The following ELP4 variants were observed in gnomAD, a reference collection of about 807,000 sequenced individuals.
ELP4 encodes elongator acetyltransferase complex subunit 4.
Under a neutral mutation model 48.9 loss-of-function variants are expected in ELP4, and 51 were observed. That is an observed-to-expected ratio of 1.04 (90% CI 0.83 to 1.32). The LOEUF is 1.32. Among genes scored for constraint, ELP4 ranks in the 40% most tolerant of loss-of-function variants. The probability of loss-of-function intolerance (pLI) is 0.00; values close to 1 mark genes in which losing one functional copy is unlikely to be tolerated. For synonymous variants in ELP4, 210 were observed against 189.2 expected (o/e 1.11, Z -0.90); for missense variants, 519 against 514.6 (o/e 1.01, Z -0.08).
At chr11:31,773,447 G>A (rs989363415) in intron 9 of ELP4, among the ~76,000 whole-genome samples, 1 of 152,138 alleles carries the variant, frequency 6.6e-6, no homozygotes, top group Non-Finnish European at 1.5e-5. Flanking sequence ...AAAGAATTGG[G>A]AGACCACCAC....
chr11:31,710,858 T>C (rs913212321), intron 9 of ELP4, among the ~76,000 whole-genome samples: 3 of 152,164 alleles, frequency 2.0e-5, no homozygotes, highest in Non-Finnish European at 2.9e-5. Flanking sequence ...GTAATAGAGC[T>C]TACAATATAA....
intron 3 of ELP4, among the ~76,000 whole-genome samples, chr11:31,579,378 G>A (rs1193307527): frequency 2.6e-5 from 4 of 152,268 alleles, no homozygotes; most frequent in South Asian, 2.1e-4. Flanking sequence ...ACAGTGTGGC[G>A]ATTCCTCAAG....
At position 31,786,867 on chromosome 11, in the gene ELP4, GGTTTTCCCAAGTCAGTCAA is replaced by G. The variant is rs1290580522; in HGVS notation, c.*3348_*3366del. The G allele has an allele frequency of 6.9e-5, 15 of 218,178 alleles. No homozygotes were observed. Among genetic ancestry groups the G allele is most frequent in the African/African-American group, 2.5e-4 (11 of 44,452 alleles). The allele number at this position is 218,178 out of a possible 1,614,324, so 13.5% of individuals were successfully genotyped here. ...CATTCAGCTCTTATTCTATTCACCT[GGTTTTCCCAAGTCAGTCAA>G]GTTTGGAGAAAAAATTTAGACGTTT... On this transcript the variant is annotated 3_prime_UTR_variant, in exon 10 of 10. Coordinates refer to ENST00000640961, the MANE Select transcript of ELP4 (RefSeq NM_019040.5).
intron 1 of ELP4, chr11:31,510,406 A>G (rs899975010): frequency 1.7e-5 from 7 of 417,636 alleles, no homozygotes; most frequent in Non-Finnish European, 3.0e-5. Flanking sequence ...AAAAGTTTTT[A>G]TAATTGTGAG....
chr11:31,769,594 A>G (rs1229433355), intron 9 of ELP4, among the ~76,000 whole-genome samples: 1 of 152,194 alleles, frequency 6.6e-6, no homozygotes, highest in African/African-American at 2.4e-5. Flanking sequence ...CTTAAATTGG[A>G]TAGTGGATCT....
rs958819078 is a variant in ELP4 at position 31,573,264 on chromosome 11, C to T, written c.382-21506C>T. Among the ~76,000 whole-genome samples the T allele has an allele frequency of 4.6e-5, 7 of 152,254 alleles. No individual in the cohort carries two copies. In the East Asian group the frequency reaches 5.8e-4, roughly 13 times the overall value. On this transcript the variant is annotated intron_variant, in intron 3 of 9. Coordinates refer to ENST00000640961, the MANE Select transcript of ELP4 (RefSeq NM_019040.5). ...CCCCTGGCAACCTCCAGTCTGCATC[C>T]GTATCTTTAGCATATACCTCAAAAC...
chr11:31,741,469 C>T lies in ELP4; in HGVS notation c.1144-41924C>T, dbSNP rs940883070. ...CCTCCTCAAGTGGGTCCCTGACCCC[C>T]GAGTAGCCTAACTGGGAGACACCCC... On this transcript the variant is annotated intron_variant, in intron 9 of 9. Transcript: ENST00000640961. Among the ~76,000 whole-genome samples the T allele has an allele frequency of 5.3e-5, 8 of 152,308 alleles. No individual in the cohort carries two copies. The East Asian group carries it at 1.2e-3, about 22-fold the overall frequency.
At chr11:31,733,806 A>G (rs974731747) in intron 9 of ELP4, among the ~76,000 whole-genome samples, 6 of 152,224 alleles carry the variant, frequency 3.9e-5, no homozygotes, top group African/African-American at 1.4e-4. Context: ...ATTAATGCCA[A>G]TTCTTCTCAA....
chr11:31,646,643 CTG>C (rs1459816821), intron 7 of ELP4: 1 of 151,678 alleles, frequency 6.6e-6, no homozygotes, highest in Non-Finnish European at 1.5e-5. Flanking sequence ...ATTTTCTTGA[CTG>C]TTTTATATTT....
chr11:31,588,837 G>A (rs1237616279), intron 3 of ELP4, among the ~76,000 whole-genome samples: 1 of 152,106 alleles, frequency 6.6e-6, no homozygotes, highest in Non-Finnish European at 1.5e-5. Context: ...GTAAAAATTA[G>A]CTGGGCGTGG....
At chr11:31,774,524 ACT>A (rs1488583324) in intron 9 of ELP4, among the ~76,000 whole-genome samples, 1 of 152,120 alleles carries the variant, frequency 6.6e-6, no homozygotes, top group Non-Finnish European at 1.5e-5. Flanking sequence ...AGATTCTATA[ACT>A]CTAGCATGAG....
intron 9 of ELP4, chr11:31,664,328 T>C (rs1945624916): frequency 6.6e-6 from 1 of 152,064 alleles, no homozygotes; most frequent in African/African-American, 2.4e-5. Flanking sequence ...TTAATGAGGA[T>C]GGATAATACT....
At chr11:31,748,410 A>G (rs573179656) in intron 9 of ELP4, among the ~76,000 whole-genome samples, 2 of 152,042 alleles carry the variant, frequency 1.3e-5, no homozygotes, top group South Asian at 4.2e-4. Flanking sequence ...ATGCCCAGCT[A>G]ATTTTTGTAT....
chr11:31,520,048 A>G lies in ELP4; in HGVS notation c.224-8A>G. 5 of 1,612,232 alleles carry G rather than the reference A, an allele frequency of 3.1e-6. No individual in the cohort carries two copies. The highest frequency in any genetic ancestry group is 4.2e-6 in the Non-Finnish European group (5 of 1,179,406). On this transcript the variant is annotated splice_region_variant and splice_polypyrimidine_tract_variant and intron_variant, in intron 1 of 9. Transcript: ENST00000640961. ...ATTAATTTTCTTCTGGTTTTGTTTC[A>G]TTTCCAGGTGGAGGTTTAGCCGTTG... is the stretch of plus-strand genomic sequence containing the variant.
At chr11:31,556,115 C>T (rs1413103461) in intron 3 of ELP4, among the ~76,000 whole-genome samples, 2 of 151,812 alleles carry the variant, frequency 1.3e-5, no homozygotes, top group African/African-American at 2.4e-5. Context: ...GATATATAAC[C>T]ACCCAGCAAT....
intron 3 of ELP4, among the ~76,000 whole-genome samples, chr11:31,544,685 G>A (rs1044106844): frequency 6.6e-6 from 1 of 152,224 alleles, no homozygotes. Context: ...TCTGAGGATG[G>A]GCAGACTGCC....
chr11:31,735,521 G>C (rs2134209007), intron 9 of ELP4, among the ~76,000 whole-genome samples: 1 of 152,264 alleles, frequency 6.6e-6, no homozygotes, highest in East Asian at 1.9e-4. Context: ...ACTAAGAAAA[G>C]AGGAAGTCAA....
At chr11:31,747,687 G>C (rs930058180) in intron 9 of ELP4, among the ~76,000 whole-genome samples, 8 of 152,214 alleles carry the variant, frequency 5.3e-5, no homozygotes, top group African/African-American at 1.9e-4. Flanking sequence ...CATGACATCA[G>C]TAGTAATCAC....
At chr11:31,586,856 G>A (rs996839947) in intron 3 of ELP4, among the ~76,000 whole-genome samples, 2 of 151,978 alleles carry the variant, frequency 1.3e-5, no homozygotes, top group African/African-American at 4.8e-5. Context: ...TGGTCAGGCT[G>A]GTCTCAATCT....
Sources: gnomAD v4.1 joint callset for allele counts (sites outside exome capture counted in the v4.1 genomes callset) on GRCh38, gnomAD v4.1.1 for gene constraint, MANE v1.5 for transcripts, NCBI Gene and HGNC (gene_info 2026-07-23, HGNC 2026-07-21) for gene names.